The following RANBP2 variants were observed in gnomAD, a reference collection of about 807,000 sequenced individuals.
RANBP2 encodes E3 SUMO-protein ligase RanBP2.
In RANBP2, 57 loss-of-function variants were observed where a neutral mutation model predicts 303.6. That is an observed-to-expected ratio of 0.19 (90% CI 0.15 to 0.23). The LOEUF (loss-of-function observed/expected upper bound fraction) is 0.23. RANBP2 is among the 10% of genes least tolerant of loss of function. The pLI, the probability that RANBP2 is intolerant of heterozygous loss-of-function variation, is 1.00. For missense variants in RANBP2, 3,138 were observed against 3,780.8 expected, an observed-to-expected ratio of 0.83 and a Z score of 4.46; for synonymous variants, 1,167 against 1,301.5, an observed-to-expected ratio of 0.90 and a Z score of 2.23.
the RANBP2 span, among the ~76,000 whole-genome samples, chr2:108,845,869 C>G: frequency 6.6e-6 from 1 of 152,144 alleles, no homozygotes; most frequent in Non-Finnish European, 1.5e-5. Context: ...CCGCGCCCAG[C>G]CTCATTTTAT....
the RANBP2 span, chr2:109,437,148 T>C: frequency 6.2e-7 from 1 of 1,607,154 alleles, no homozygotes. Flanking sequence ...TTTCAACAGG[T>C]ACCTTCACAG....
chr2:109,151,031 C>T, the RANBP2 span, among the ~76,000 whole-genome samples: 2 of 152,140 alleles, frequency 1.3e-5, no homozygotes, highest in African/African-American at 2.4e-5. Context: ...GAGTGCAATG[C>T]AAGGGAGAGG....
chr2:109,479,860 G>A, the RANBP2 span, among the ~76,000 whole-genome samples: 2 of 152,106 alleles, frequency 1.3e-5, no homozygotes, highest in Non-Finnish European at 2.9e-5. Flanking sequence ...TGCCCTCAGA[G>A]CCTTCATACG....
At chr2:108,834,537 A>G in the RANBP2 span, among the ~76,000 whole-genome samples, 1 of 152,262 alleles carries the variant, frequency 6.6e-6, no homozygotes, top group South Asian at 2.1e-4. Flanking sequence ...TTTATACACT[A>G]AGTATTGTCA....
At chr2:108,755,141 T>C (rs1558908451) in intron 16 of RANBP2, 35 bp from the exon 17 acceptor site, 1 of 1,611,948 alleles carries the variant, frequency 6.2e-7, no homozygotes, top group Non-Finnish European at 8.5e-7. Context: ...TCTAAGTGTT[T>C]TAAATGCTGT....
the RANBP2 span, among the ~76,000 whole-genome samples, chr2:108,955,647 A>C: frequency 6.6e-6 from 1 of 151,600 alleles, no homozygotes; most frequent in Non-Finnish European, 1.5e-5. Flanking sequence ...CGGAGGTTGC[A>C]GTGAGCCGAG....
At chr2:108,982,945 ATC>A in the RANBP2 span, among the ~76,000 whole-genome samples, 5 of 152,304 alleles carry the variant, frequency 3.3e-5, no homozygotes, top group South Asian at 2.1e-4. Context: ...CTCTCTCCAA[ATC>A]TCTCTAAGAA....
chr2:109,110,899 C>CA, the RANBP2 span, among the ~76,000 whole-genome samples: 7 of 152,200 alleles, frequency 4.6e-5, no homozygotes, highest in Non-Finnish European at 7.3e-5. Context: ...TAAGACCCCA[C>CA]AGTGTGGCAG....
the RANBP2 span, among the ~76,000 whole-genome samples, chr2:109,572,711 G>T: frequency 1.3e-5 from 2 of 151,212 alleles, no homozygotes; most frequent in Non-Finnish European, 2.9e-5. Flanking sequence ...CCGCCTCCTG[G>T]GTTCAAGCAA....
downstream of RANBP2, chr2:108,786,660 A>G (rs899096354): frequency 5.5e-5 from 35 of 640,082 alleles, no homozygotes; most frequent in Admixed American, 3.9e-4. Context: ...ACGCGCTGAC[A>G]AGCCGGGCTG....
the RANBP2 span, among the ~76,000 whole-genome samples, chr2:109,068,845 TTGTAAG>T: frequency 2.0e-5 from 3 of 152,236 alleles, no homozygotes; most frequent in Non-Finnish European, 4.4e-5. Flanking sequence ...GTCAAAATGC[TTGTAAG>T]TACTAAATAC....
At chr2:109,090,363 G>A in the RANBP2 span, among the ~76,000 whole-genome samples, 3 of 148,600 alleles carry the variant, frequency 2.0e-5, no homozygotes, top group East Asian at 2.0e-4. Context: ...CACACACCAC[G>A]TCTATGGAAT....
the RANBP2 span, among the ~76,000 whole-genome samples, chr2:109,721,047 G>A: frequency 6.6e-6 from 1 of 152,202 alleles, no homozygotes; most frequent in Non-Finnish European, 1.5e-5. Context: ...CACAGAATGT[G>A]CCGCTGTGAT....
the RANBP2 span, among the ~76,000 whole-genome samples, chr2:109,405,409 T>C: frequency 6.6e-6 from 1 of 152,194 alleles, no homozygotes; most frequent in East Asian, 1.9e-4. Flanking sequence ...TGGAAGGTTC[T>C]GGGGAGCCTT....
intron 2 of RANBP2, among the ~76,000 whole-genome samples, chr2:108,729,444 T>A (rs1213052280): frequency 6.6e-6 from 1 of 152,216 alleles, no homozygotes; most frequent in African/African-American, 2.4e-5. Context: ...TTCAAATACT[T>A]TTTCTAAAAA....
At chr2:109,374,480 G>T in the RANBP2 span, among the ~76,000 whole-genome samples, 8 of 152,206 alleles carry the variant, frequency 5.3e-5, no homozygotes, top group Non-Finnish European at 8.8e-5. Flanking sequence ...GGCCCAAACT[G>T]CTTCCCTCTG....
At chr2:109,439,836 G>T in the RANBP2 span, among the ~76,000 whole-genome samples, 3 of 152,090 alleles carry the variant, frequency 2.0e-5, no homozygotes, top group Non-Finnish European at 4.4e-5. Flanking sequence ...TAGAGAGAAT[G>T]ACTAGAAAAC....
At chr2:108,961,837 C>T in the RANBP2 span, among the ~76,000 whole-genome samples, 1 of 152,180 alleles carries the variant, frequency 6.6e-6, no homozygotes, top group African/African-American at 2.4e-5. Flanking sequence ...CCTTGCTTCA[C>T]ACTAATGGCC....
At chr2:109,699,055 A>G in the RANBP2 span, among the ~76,000 whole-genome samples, 1 of 152,204 alleles carries the variant, frequency 6.6e-6, no homozygotes, top group African/African-American at 2.4e-5. Context: ...CTTTAACCCC[A>G]GTTGTAAGGT....
Sources: gnomAD v4.1 joint callset for allele counts (sites outside exome capture counted in the v4.1 genomes callset) on GRCh38, gnomAD v4.1.1 for gene constraint, MANE v1.5 for transcripts, NCBI Gene and HGNC (gene_info 2026-07-23, HGNC 2026-07-21) for gene names.